PCTP: variants seen among roughly 807,000 people sequenced by gnomAD.
The protein encoded by PCTP is phosphatidylcholine transfer protein, also known as START domain-containing protein 2.
In PCTP, 27 loss-of-function variants were observed where a neutral mutation model predicts 31.0. The ratio of observed to expected loss-of-function variants is 0.87; its 90% CI spans 0.64 to 1.20. The LOEUF is 1.20. PCTP is among the 50% of genes most tolerant of loss of function. The pLI, the probability that PCTP is intolerant of heterozygous loss-of-function variation, is 0.00. For synonymous variants in PCTP, 108 were observed against 101.2 expected, an observed-to-expected ratio of 1.07 and a Z score of -0.40; for missense variants, 287 against 268.2, an observed-to-expected ratio of 1.07 and a Z score of -0.49.
At chr17:55,824,948 T>G (rs1905349929), downstream of PCTP, among the ~76,000 whole-genome samples, 1 of 152,162 alleles carries the variant, frequency 6.6e-6, no homozygotes, top group Non-Finnish European at 1.5e-5. Flanking sequence ...TACAAATGAA[T>G]TTGGGAGTAA....
chr17:55,764,160 G>A (rs1175494964), intron 1 of PCTP, among the ~76,000 whole-genome samples: 1 of 152,176 alleles, frequency 6.6e-6, no homozygotes, highest in Non-Finnish European at 1.5e-5. Flanking sequence ...CCAGTGTAAG[G>A]GAACAGTGTG....
chr17:55,822,291 A>G (rs1047597565), intron 3 of PCTP, among the ~76,000 whole-genome samples: 9 of 152,250 alleles, frequency 5.9e-5, no homozygotes, highest in Non-Finnish European at 1.3e-4. Context: ...AGGGGGACTC[A>G]AGCCAAATGT....
chr17:55,800,125 G>A (rs898693764), intron 3 of PCTP, among the ~76,000 whole-genome samples: 1 of 152,078 alleles, frequency 6.6e-6, no homozygotes, highest in South Asian at 2.1e-4. Flanking sequence ...GGCCTGTCTT[G>A]CTAGACTGGG....
chr17:55,800,068 G>A (rs112740110), intron 3 of PCTP, among the ~76,000 whole-genome samples: 59 of 152,022 alleles, frequency 3.9e-4, no homozygotes, highest in African/African-American at 1.2e-3. Context: ...TGCTTTTCTC[G>A]AGGAGTATCT....
intron 5 of PCTP, among the ~76,000 whole-genome samples, chr17:55,836,169 T>C (rs1161474600): frequency 6.6e-6 from 1 of 152,230 alleles, no homozygotes; most frequent in Non-Finnish European, 1.5e-5. Context: ...GAGTGCCTTA[T>C]GAGTTCAACC....
chr17:55,773,885 G>A lies in PCTP; in HGVS notation c.501G>A (p.Lys167=). 6.2e-7 allele frequency: 1 copy of A among 1,604,998 alleles called. No homozygotes were observed. Reference sequence around the variant, plus strand: ...TGGCGATCGAGAGTGACGGCAAGAAGGGGAGCAAAGGTAAAACCCATGGTG... The same window carrying A: ...TGGCGATCGAGAGTGACGGCAAGAAAGGGAGCAAAGGTAAAACCCATGGTG... ...QSLAIESDGK[K]GSKVFMYYFD... Residue 167 remains lysine, a synonymous_variant, in exon 4 of 6, where the codon AAG becomes AAA. Coordinates refer to ENST00000268896, the MANE Select transcript of PCTP (RefSeq NM_021213.4).
intron 2 of PCTP, among the ~76,000 whole-genome samples, chr17:55,786,475 T>A (rs894009595): frequency 6.6e-6 from 1 of 152,212 alleles, no homozygotes; most frequent in African/African-American, 2.4e-5. Flanking sequence ...GTTGTGCACA[T>A]GTACCCTAGA....
At chr17:55,824,964 A>AGGG (rs989709863), downstream of PCTP, among the ~76,000 whole-genome samples, 70 of 152,310 alleles carry the variant, frequency 4.6e-4, no homozygotes, top group African/African-American at 1.7e-3. Flanking sequence ...AGTAAGAGAG[A>AGGG]GGGATCTGGG....
intron 3 of PCTP, among the ~76,000 whole-genome samples, chr17:55,811,392 G>A (rs140210145): frequency 7.3e-4 from 111 of 152,254 alleles, no homozygotes; most frequent in African/African-American, 2.6e-3. Flanking sequence ...CAACTATGCA[G>A]TATTTCCTAT....
chr17:55,818,445 TA>T, intron 3 of PCTP, among the ~76,000 whole-genome samples: 1 of 152,344 alleles, frequency 6.6e-6, no homozygotes, highest in South Asian at 2.1e-4. Flanking sequence ...TGCAGATCTG[TA>T]AAAAATTCTG....
intron 3 of PCTP, among the ~76,000 whole-genome samples, chr17:55,788,422 A>G (rs1597998064): frequency 1.3e-5 from 2 of 152,106 alleles, no homozygotes; most frequent in African/African-American, 4.8e-5. Flanking sequence ...GCCAAACCCC[A>G]TATTTACTTA....
At chr17:55,822,565 G>A (rs781654404) in intron 3 of PCTP, among the ~76,000 whole-genome samples, 5 of 152,142 alleles carry the variant, frequency 3.3e-5, no homozygotes, top group Non-Finnish European at 7.3e-5. Context: ...TTGAGAAAGA[G>A]GATAAAAATC....
chr17:55,839,919 C>CAAAAAAAAAAAAAAAAAAAA (rs57402824), intron 5 of PCTP, among the ~76,000 whole-genome samples: 3 of 12,506 alleles, frequency 2.4e-4, no homozygotes, highest in Non-Finnish European at 4.8e-4. Flanking sequence ...GACTCAGTCT[C>CAAAAAAAAAAAAAAAAAAAA]AAAAAAAAAA....
intron 3 of PCTP, among the ~76,000 whole-genome samples, chr17:55,805,827 G>A (rs186608505): frequency 6.6e-6 from 1 of 150,910 alleles, no homozygotes; most frequent in African/African-American, 2.4e-5. Flanking sequence ...GTTTTATTTG[G>A]CCCTGCTTTT....
chr17:55,807,506 T>C (rs1912612470), intron 3 of PCTP, among the ~76,000 whole-genome samples: 2 of 152,286 alleles, frequency 1.3e-5, no homozygotes, highest in South Asian at 2.1e-4. Context: ...CTTATTTTTC[T>C]CCCTATTCAT....
downstream of PCTP, among the ~76,000 whole-genome samples, chr17:55,827,038 C>CAAAA (rs33976207): frequency 8.4e-4 from 113 of 134,924 alleles, 1 homozygote; most frequent in African/African-American, 3.0e-3. Context: ...GGTAAACAGC[C>CAAAA]AAAAAAAAAA....
chr17:55,799,862 T>C (rs894889297), intron 3 of PCTP, among the ~76,000 whole-genome samples: 10 of 152,122 alleles, frequency 6.6e-5, no homozygotes, highest in African/African-American at 2.4e-4. Flanking sequence ...GAAATTCTGG[T>C]TTGAAAATTC....
chr17:55,835,105 G>C (rs1282726137), intron 5 of PCTP, among the ~76,000 whole-genome samples: 1 of 152,168 alleles, frequency 6.6e-6, no homozygotes, highest in Non-Finnish European at 1.5e-5. Context: ...GCTGCCACAA[G>C]CTAAGTAGTC....
chr17:55,834,213 G>T (rs964794382), intron 5 of PCTP, among the ~76,000 whole-genome samples: 9 of 152,056 alleles, frequency 5.9e-5, no homozygotes, highest in African/African-American at 2.2e-4. Flanking sequence ...TAAATTTTAA[G>T]TTCTGAGGTA....
Sources: allele counts gnomAD v4.1 joint callset (sites outside exome capture counted in the v4.1 genomes callset), GRCh38; gene constraint gnomAD v4.1.1; transcripts MANE v1.5; gene names NCBI Gene and HGNC (gene_info 2026-07-23, HGNC 2026-07-21).